The following CCDC158 variants were observed in gnomAD, a reference collection of about 807,000 sequenced individuals.
CCDC158 encodes the protein coiled-coil domain containing 158, also known as coiled-coil domain-containing protein 158.
In CCDC158, 116 loss-of-function variants were observed where a neutral mutation model predicts 138.6. The observed-to-expected ratio is 0.84, with a 90% CI of 0.72 to 0.98. The LOEUF (loss-of-function observed/expected upper bound fraction) is 0.98. Ranked by LOEUF, CCDC158 falls within the 50% of genes least tolerant of loss-of-function variation. The pLI is 0.00. For missense variants in CCDC158, 1,265 were observed against 1,306.1 expected (o/e 0.97, Z 0.48); for synonymous variants, 436 against 442.4 (o/e 0.99, Z 0.18).
chr4:76,401,544 G>A (rs542455245), intron 3 of CCDC158: 1 of 174,964 alleles, frequency 5.7e-6, no homozygotes, highest in African/African-American at 2.4e-5. Context: ...GATATGAAGA[G>A]AAACGGCCAA....
chr4:76,351,106 C>T lies in CCDC158; in HGVS notation c.2554G>A (p.Gly852Arg), dbSNP rs377167162. The change falls in exon 18 of 25, where the codon GGA (glycine) becomes AGA (arginine). Residue 852 changes from glycine (G) to arginine (R), a missense_variant. By Grantham distance (125) the Gly-to-Arg change is moderately radical. Transcript: ENST00000682701. ...TTCAATGAAGAATTTGAGGTGTATC[C>T]AGGGCCCTGAAGTTCCTGGAAAACA... ...TLDIKELQGP[G>R]YTSNSSLKPR... 2.4e-5 allele frequency: 39 copies of T among 1,612,892 alleles called. No homozygotes were observed. The highest frequency in any genetic ancestry group is 3.1e-5 in the Non-Finnish European group (36 of 1,179,446).
chr4:76,315,250 C>A (rs1719266429), intron 24 of CCDC158, among the ~76,000 whole-genome samples: 1 of 152,124 alleles, frequency 6.6e-6, no homozygotes, highest in Non-Finnish European at 1.5e-5. Context: ...CCCACAGTGG[C>A]CACGGCAAGC....
At chr4:76,369,891 G>C (rs1410333173) in intron 10 of CCDC158, among the ~76,000 whole-genome samples, 2 of 152,144 alleles carry the variant, frequency 1.3e-5, no homozygotes, top group African/African-American at 4.8e-5. Context: ...GATTTTAAAA[G>C]TCATCCTGTT....
intron 12 of CCDC158, among the ~76,000 whole-genome samples, chr4:76,364,351 C>T (rs1169473466): frequency 1.3e-5 from 2 of 152,202 alleles, no homozygotes; most frequent in South Asian, 4.1e-4. Flanking sequence ...AGGAGGACCC[C>T]TCTCTTCCCA....
intron 9 of CCDC158, among the ~76,000 whole-genome samples, chr4:76,373,054 G>A (rs970292240): frequency 6.6e-6 from 1 of 152,282 alleles, no homozygotes; most frequent in Non-Finnish European, 1.5e-5. Context: ...TCGCCATGTT[G>A]GCCAGGCTGG....
chr4:76,413,689 G>T lies in CCDC158; in HGVS notation c.-116-1557C>A, dbSNP rs115833408. On this transcript the variant is annotated intron_variant, in intron 1 of 24. Coordinates refer to ENST00000682701, the MANE Select transcript of CCDC158 (RefSeq NM_001394954.1). Reference sequence around the variant, plus strand: ...CTTGTTGAAATGGCAACTGCCACTGGTATTCTTTCTTGGGTAGAGTGTTGG... The same window carrying T: ...CTTGTTGAAATGGCAACTGCCACTGTTATTCTTTCTTGGGTAGAGTGTTGG... 9.5e-3 allele frequency among the ~76,000 whole-genome samples: 1,446 copies of T among 152,102 alleles called. 19 individuals are homozygous for T. The highest frequency in any genetic ancestry group is 0.033 in the African/African-American group (1,377 of 41,498).
At chr4:76,375,410 A>G (rs1725621942) in intron 9 of CCDC158, 2 of 486,858 alleles carry the variant, frequency 4.1e-6, no homozygotes, top group Admixed American at 3.8e-5. Flanking sequence ...ACAGCTATGG[A>G]ATAATAAGGG....
At chr4:76,344,014 C>A (rs1722306331) in intron 18 of CCDC158, among the ~76,000 whole-genome samples, 1 of 151,992 alleles carries the variant, frequency 6.6e-6, no homozygotes, top group African/African-American at 2.4e-5. Context: ...GGCAATCAGG[C>A]AAAAGAAAGA....
chr4:76,403,287 A>G lies in CCDC158; in HGVS notation c.-73-7T>C. On this transcript the variant is annotated splice_polypyrimidine_tract_variant and splice_region_variant and intron_variant, in intron 2 of 24. Transcript: ENST00000682701. ...TGGTTCTTTTGGTTCCTGTCTATGA[A>G]AGACAGAGATTCAATCTTTATTAAC... The G allele has an allele frequency of 1.1e-6, 1 of 921,812 alleles. No individual in the cohort carries two copies. The highest frequency in any genetic ancestry group is 1.6e-5 in the South Asian group (1 of 62,234). The allele number at this position is 921,812 out of a possible 1,614,324, so 57.1% of individuals were successfully genotyped here.
At chr4:76,345,498 A>G in intron 18 of CCDC158, 5 of 928,120 alleles carry the variant, frequency 5.4e-6, no homozygotes, top group African/African-American at 1.6e-5. Flanking sequence ...ATTTAGAAAG[A>G]TTCTCATTGA....
chr4:76,350,873 TA>T, intron 18 of CCDC158, 122 bp downstream of exon 18: 1 of 841,214 alleles, frequency 1.2e-6, no homozygotes, highest in Non-Finnish European at 1.7e-6. Context: ...TGTATAAATC[TA>T]AAATCTAGTA....
chr4:76,369,333 T>A (rs567580475), intron 11 of CCDC158, 93 bp downstream of exon 11: 2 of 1,228,572 alleles, frequency 1.6e-6, no homozygotes, highest in Non-Finnish European at 2.2e-6. Flanking sequence ...TAGGTCCATA[T>A]ATGTTAAAAA....
intron 1 of CCDC158, among the ~76,000 whole-genome samples, chr4:76,420,289 C>A (rs989200173): frequency 1.4e-4 from 21 of 152,288 alleles, no homozygotes; most frequent in African/African-American, 5.1e-4. Context: ...GCCTTAATCT[C>A]CTGCTGAGAG....
intron 1 of CCDC158, among the ~76,000 whole-genome samples, chr4:76,413,076 G>A (rs1224413538): frequency 6.6e-6 from 1 of 151,954 alleles, no homozygotes; most frequent in Non-Finnish European, 1.5e-5. Flanking sequence ...ATTGGGTAGA[G>A]AAACTTCTGT....
rs767661984 is a variant in CCDC158, at chr4:76,369,563, A to G, written c.1210T>C (p.Trp404Arg). Residue 404 changes from tryptophan (W) to arginine (R), a missense_variant, in exon 11 of 25, where the codon TGG (tryptophan) becomes CGG (arginine). Transcript: ENST00000682701. ...ATGCTGTTGCCTGTGTCTCGGTCCC[A>G]CAGACGCTTATTCTGCTCCTTCTCC... ...SLEKEQNKRLWDRDTGNSITI... is the reference protein window; with the variant it reads ...SLEKEQNKRLRDRDTGNSITI... The G allele has an allele frequency of 6.2e-7, 1 of 1,614,176 alleles. No individual in the cohort carries two copies.
At chr4:76,405,711 A>T (rs1728766514) in intron 2 of CCDC158, among the ~76,000 whole-genome samples, 1 of 152,180 alleles carries the variant, frequency 6.6e-6, no homozygotes, top group Admixed American at 6.5e-5. Flanking sequence ...AAGACCATTG[A>T]CTTAAAATGG....
intron 18 of CCDC158, among the ~76,000 whole-genome samples, chr4:76,341,158 T>C (rs943478547): frequency 1.3e-5 from 2 of 152,206 alleles, no homozygotes; most frequent in Non-Finnish European, 2.9e-5. Context: ...TTCTATCTTC[T>C]CCAATACTGT....
chr4:76,358,228 T>C (rs1723775425), intron 13 of CCDC158, among the ~76,000 whole-genome samples: 1 of 152,096 alleles, frequency 6.6e-6, no homozygotes, highest in African/African-American at 2.4e-5. Context: ...TACCACAAAC[T>C]AAAATCCTGA....
chr4:76,352,726 G>A (rs1435581303), intron 16 of CCDC158: 1 of 155,262 alleles, frequency 6.4e-6, no homozygotes, highest in East Asian at 1.9e-4. Flanking sequence ...CCAGCCATTA[G>A]CATTACTTTA....
Sources: gnomAD v4.1 joint callset for allele counts (sites outside exome capture counted in the v4.1 genomes callset) on GRCh38, gnomAD v4.1.1 for gene constraint, MANE v1.5 for transcripts, NCBI Gene and HGNC (gene_info 2026-07-23, HGNC 2026-07-21) for gene names.